MDN1: variants seen among roughly 807,000 people sequenced by gnomAD.
The protein encoded by MDN1 is midasin AAA ATPase 1.
A neutral mutation model predicts 669.2 loss-of-function variants in MDN1; 266 were observed. That is an observed-to-expected ratio of 0.40 (90% CI 0.36 to 0.44). The LOEUF (loss-of-function observed/expected upper bound fraction) is 0.44, where lower values mean the gene tolerates loss of function less well. Ranked by LOEUF, MDN1 falls within the 20% of genes least tolerant of loss-of-function variation. The pLI is 1.00. For missense variants in MDN1, 5,940 were observed against 6,754.0 expected (o/e 0.88, Z 4.22); for synonymous variants, 2,385 against 2,457.1 (o/e 0.97, Z 0.87).
chr6:89,751,679 C>T (rs1156953727), intron 22 of MDN1, 97 bp from the exon 23 acceptor site: 1 of 1,292,888 alleles, frequency 7.7e-7, no homozygotes, highest in Non-Finnish European at 1.1e-6. Context: ...AACAAGCTGT[C>T]TTGTTCTGCA....
chr6:89,683,931 T>C (rs775702837), intron 71 of MDN1, 27 bp from the exon 72 acceptor site: 27 of 1,555,888 alleles, frequency 1.7e-5, no homozygotes, highest in Non-Finnish European at 2.3e-5. Flanking sequence ...GTTCAAGAAA[T>C]GGCTTTATAA....
At chr6:89,743,737 T>C in intron 29 of MDN1, 23 bp from the exon 30 acceptor site, 1 of 1,608,466 alleles carries the variant, frequency 6.2e-7, no homozygotes. Flanking sequence ...TGCAACTGAT[T>C]AACAAGGCAT....
At position 89,712,628 on chromosome 6, in the gene MDN1, C is replaced by T. The variant is rs773993378; in HGVS notation, c.7377G>A (p.Gln2459=). The part of the protein sequence containing the change: ...SHLSTVRRDG[Q]ILVYCLNRMS... ...TCCTGTTGAGACAATATACTAAGAT[C>T]TGTCCATCTCTTCGGACTGTAGACA... is the stretch of plus-strand genomic sequence containing the variant. Residue 2459 remains glutamine (Q), a synonymous_variant, in exon 48 of 102, where the codon CAG becomes CAA. Coordinates refer to ENST00000369393, the MANE Select transcript of MDN1 (RefSeq NM_014611.3). 2 of 1,614,210 alleles carry T rather than the reference C, an allele frequency of 1.2e-6. No homozygotes were observed. Among genetic ancestry groups the T allele is most frequent in the East Asian group, 4.5e-5 (2 of 44,890 alleles).
chr6:89,700,931 A>C, intron 55 of MDN1, 75 bp from the exon 56 acceptor site: 10 of 1,191,336 alleles, frequency 8.4e-6, no homozygotes, highest in South Asian at 1.4e-5. Context: ...TACAGGTCTC[A>C]GAATAAATTT....
In MDN1 at chr6:89,643,113, T is replaced by C. The variant is rs894729748; in HGVS notation, c.*892A>G. The stretch of plus-strand genomic sequence containing the variant: ...ATCAGTTTCTTTCGACTGGAAAAAA[T>C]AGATGGAGCTGCTGAGTTCTGGACA... On this transcript the variant is annotated 3_prime_UTR_variant, in exon 102 of 102. Transcript: ENST00000369393. 1.3e-5 allele frequency: 2 copies of C among 151,874 alleles called. No individual in the cohort carries two copies. The highest frequency in any genetic ancestry group is 6.6e-5 in the Admixed American group (1 of 15,240). 9.4% of individuals were successfully genotyped at this position (151,874 alleles called of 1,614,324 possible). A position where few individuals can be genotyped will look rare whatever the true frequency, so the allele number is the denominator to read the frequency against.
Position 89,819,719 on chromosome 6 carries a change from A to C in MDN1, c.-112T>G. The C allele has an allele frequency of 2.5e-6, 2 of 815,004 alleles. No individual in the cohort carries two copies. The highest frequency in any genetic ancestry group is 2.5e-5 in the East Asian group (1 of 39,780). The allele number at this position is 815,004 out of a possible 1,614,324, so 50.5% of individuals were successfully genotyped here. On this transcript the variant is annotated 5_prime_UTR_variant, in exon 1 of 102. Coordinates refer to ENST00000369393, the MANE Select transcript of MDN1 (RefSeq NM_014611.3). ...CAGCCAGCAACTACGCCCGCAGGAA[A>C]GGCGTCCTCAGCTCCAGCGCCTACA...
intron 75 of MDN1, 130 bp from the exon 76 acceptor site, chr6:89,677,826 C>A: frequency 1.7e-6 from 2 of 1,189,244 alleles, no homozygotes; most frequent in Non-Finnish European, 2.4e-6. Context: ...AATGCAGACT[C>A]TCAGGCTGCA....
rs372601851 is a variant in MDN1 at position 89,711,994 on chromosome 6, AT to A, written c.7651+41del. The stretch of plus-strand genomic sequence containing the variant: ...TGAGGCACTTAAATAGCATAAGTGT[AT>A]ATAAATCACATCAGTGGACAAATTA... On this transcript the variant is annotated intron_variant, in intron 49 of 101. Coordinates refer to ENST00000369393, the MANE Select transcript of MDN1 (RefSeq NM_014611.3). 647 of 1,514,244 alleles carry A rather than the reference AT, an allele frequency of 4.3e-4. 7 individuals carry two copies. In the South Asian group the frequency reaches 6.1e-3, roughly 14 times the overall value. The allele number at this position is 1,514,244 out of a possible 1,614,324, so 93.8% of individuals were successfully genotyped here.
intron 22 of MDN1, among the ~76,000 whole-genome samples, chr6:89,752,085 T>C (rs1339790516): frequency 6.6e-6 from 1 of 152,218 alleles, no homozygotes; most frequent in African/African-American, 2.4e-5. Flanking sequence ...TTTAAGTTAT[T>C]AGTTTCGATT....
chr6:89,675,327 A>G lies in MDN1; in HGVS notation c.12761+137T>C, dbSNP rs965165101. On this transcript the variant is annotated intron_variant, in intron 78 of 101. Transcript: ENST00000369393. ...AAGGGGCAGAGCTGGGAGAAACCCTACCTGCCTCTTTGGGCCTTAAATTCA... is the reference window on the plus strand; with the variant it reads ...AAGGGGCAGAGCTGGGAGAAACCCTGCCTGCCTCTTTGGGCCTTAAATTCA... The G allele has an allele frequency of 5.8e-6, 4 of 691,266 alleles. No individual in the cohort carries two copies. In the African/African-American group the frequency reaches 7.2e-5, roughly 12 times the overall value. 42.8% of individuals were successfully genotyped at this position (691,266 alleles called of 1,614,324 possible).
intron 66 of MDN1, 148 bp downstream of exon 66, chr6:89,688,425 G>C: frequency 2.8e-6 from 2 of 715,422 alleles, no homozygotes; most frequent in Non-Finnish European, 4.6e-6. Flanking sequence ...CCTGCAGTTA[G>C]TAAGTAACAT....
intron 84 of MDN1, among the ~76,000 whole-genome samples, chr6:89,666,085 T>C (rs1271274974): frequency 2.0e-5 from 3 of 152,008 alleles, no homozygotes; most frequent in Non-Finnish European, 4.4e-5. Context: ...CCATAACACC[T>C]CCATCCTCGA....
rs1295326365 is a variant in MDN1, at chr6:89,794,215, AAAAG to A, written c.555-12_555-9del. On this transcript the variant is annotated splice_polypyrimidine_tract_variant and intron_variant, in intron 3 of 101. Transcript: ENST00000369393. The stretch of plus-strand genomic sequence containing the variant: ...AGACAATTGGCTGTATACCTAGGGA[AAAAG>A]AAAGTATGTAAATTCAGTTTATCTG... The A allele has an allele frequency of 6.1e-6, 9 of 1,476,286 alleles. No homozygotes were observed. Among genetic ancestry groups the A allele is most frequent in the Non-Finnish European group, 8.3e-6 (9 of 1,079,750 alleles). 91.4% of individuals were successfully genotyped at this position (1,476,286 alleles called of 1,614,324 possible).
Position 89,803,895 on chromosome 6 carries a change from CTTTTT to C in MDN1, c.103-346_103-342del, listed in dbSNP as rs56246331. 2.2e-3 allele frequency among the ~76,000 whole-genome samples: 166 copies of C among 76,388 alleles called. 1 individual carries two copies. Among genetic ancestry groups the C allele is most frequent in the South Asian group, 3.7e-3 (7 of 1,890 alleles). The allele number at this position is 76,388 out of a possible 152,430, so 50.1% of individuals were successfully genotyped here. On this transcript the variant is annotated intron_variant, in intron 1 of 101. Coordinates refer to ENST00000369393, the MANE Select transcript of MDN1 (RefSeq NM_014611.3). ...CGCGCCCGGCCTTTTCTTTTCTTTT[CTTTTT>C]TTTTTTTTTTTTTTTTTTGGAGACA...
intron 69 of MDN1, 42 bp downstream of exon 69, chr6:89,686,860 G>A (rs1258739154): frequency 1.2e-5 from 20 of 1,607,638 alleles, no homozygotes; most frequent in African/African-American, 5.4e-5. Flanking sequence ...CCATTTAGCC[G>A]GGAAGCTCTA....
intron 23 of MDN1, among the ~76,000 whole-genome samples, chr6:89,751,093 A>T (rs545365429): frequency 6.1e-4 from 93 of 152,314 alleles, no homozygotes; most frequent in African/African-American, 2.1e-3. Context: ...AATACTAAGG[A>T]AAGCAATTCC....
chr6:89,712,834 T>C (rs768380490), intron 47 of MDN1, 48 bp from the exon 48 acceptor site: 1 of 1,555,128 alleles, frequency 6.4e-7, no homozygotes, highest in South Asian at 1.1e-5. Flanking sequence ...ATAAAAGTGA[T>C]ATTCCCCAAA....
intron 37 of MDN1, among the ~76,000 whole-genome samples, chr6:89,726,105 C>A (rs1388080645): frequency 6.6e-6 from 1 of 152,094 alleles, no homozygotes; most frequent in Non-Finnish European, 1.5e-5. Context: ...TAAGTAATAA[C>A]TTGCAGAAAA....
intron 60 of MDN1, among the ~76,000 whole-genome samples, 153 bp downstream of exon 60, chr6:89,696,207 G>A (rs374996081): frequency 1.3e-5 from 2 of 152,120 alleles, no homozygotes; most frequent in East Asian, 1.9e-4. Context: ...GCCAGCTCAC[G>A]GTAGCCTGAA....
Sources: allele counts gnomAD v4.1 joint callset (sites outside exome capture counted in the v4.1 genomes callset), GRCh38; gene constraint gnomAD v4.1.1; transcripts MANE v1.5; gene names NCBI Gene and HGNC (gene_info 2026-07-23, HGNC 2026-07-21).